Variants in PLPPR1 observed in about 807,000 individuals in gnomAD.
PLPPR1 encodes phospholipid phosphatase related 1.
In PLPPR1, 10 loss-of-function variants were observed where a neutral mutation model predicts 33.1. The ratio of observed to expected loss-of-function variants is 0.30; its 90% CI spans 0.19 to 0.51. The LOEUF is 0.51. PLPPR1 is among the 20% of genes least tolerant of loss of function. The pLI is 0.97. For synonymous variants in PLPPR1, 151 were observed against 151.0 expected (o/e 1.00, Z 0.00); for missense variants, 304 against 408.1 (o/e 0.74, Z 2.20).
chr9:101,176,446 C>T (rs1390493469), intron 1 of PLPPR1, among the ~76,000 whole-genome samples: 1 of 152,194 alleles, frequency 6.6e-6, no homozygotes, highest in African/African-American at 2.4e-5. Flanking sequence ...ACGCGTTCCT[C>T]ACTGGGATGG....
intron 1 of PLPPR1, among the ~76,000 whole-genome samples, chr9:101,181,644 A>G (rs1228130302): frequency 1.7e-5 from 2 of 114,624 alleles, no homozygotes; most frequent in African/African-American, 3.2e-5. Flanking sequence ...ATGTGTATGT[A>G]TATACATGTA....
intron 1 of PLPPR1, among the ~76,000 whole-genome samples, chr9:101,119,854 C>G (rs1281487552): frequency 1.3e-5 from 2 of 152,196 alleles, no homozygotes; most frequent in Non-Finnish European, 2.9e-5. Context: ...CTTCCCTCCC[C>G]ACCCAAACCA....
intron 1 of PLPPR1, among the ~76,000 whole-genome samples, chr9:101,125,201 A>C (rs1362947062): frequency 6.6e-6 from 1 of 151,860 alleles, no homozygotes; most frequent in East Asian, 1.9e-4. Context: ...ATCTATCCCT[A>C]TCTGTCCCTG....
chr9:101,169,840 T>G (rs1336045503), intron 1 of PLPPR1, among the ~76,000 whole-genome samples: 19 of 152,072 alleles, frequency 1.2e-4, no homozygotes, highest in Non-Finnish European at 2.5e-4. Flanking sequence ...CATTTTTATG[T>G]CTAGGACTTC....
At chr9:101,102,693 T>C (rs1446809093) in intron 1 of PLPPR1, among the ~76,000 whole-genome samples, 3 of 75,904 alleles carry the variant, frequency 4.0e-5, no homozygotes, top group African/African-American at 6.0e-5. Context: ...ATGGTATTTC[T>C]AGTTCTAGAT....
At chr9:101,188,427 C>G (rs1467108329) in intron 2 of PLPPR1, among the ~76,000 whole-genome samples, 2 of 151,812 alleles carry the variant, frequency 1.3e-5, no homozygotes, top group African/African-American at 4.8e-5. Context: ...TTTTTTCAGA[C>G]AATTACATCA....
At chr9:101,093,186 T>G (rs919353019) in intron 1 of PLPPR1, among the ~76,000 whole-genome samples, 2 of 152,148 alleles carry the variant, frequency 1.3e-5, no homozygotes, top group African/African-American at 4.8e-5. Flanking sequence ...CAATAGCACT[T>G]TCATCTAAAT....
intron 3 of PLPPR1, among the ~76,000 whole-genome samples, chr9:101,285,148 T>A (rs752964983): frequency 1.3e-5 from 2 of 152,178 alleles, no homozygotes; most frequent in Non-Finnish European, 2.9e-5. Context: ...ATAACGGTAA[T>A]TAACCTTTTA....
intron 1 of PLPPR1, among the ~76,000 whole-genome samples, chr9:101,167,011 T>C (rs964119951): frequency 1.4e-5 from 2 of 143,398 alleles, no homozygotes; most frequent in African/African-American, 2.6e-5. Flanking sequence ...AGGGACTTCC[T>C]GGCAGTGATT....
intron 1 of PLPPR1, among the ~76,000 whole-genome samples, chr9:101,063,883 TC>T (rs1419182396): frequency 3.3e-5 from 5 of 152,116 alleles, no homozygotes; most frequent in Admixed American, 3.3e-4. Flanking sequence ...TGTTTGTTTC[TC>T]CCACTAGAGT....
chr9:101,112,805 G>T (rs1831072739), intron 1 of PLPPR1, among the ~76,000 whole-genome samples: 1 of 152,186 alleles, frequency 6.6e-6, no homozygotes, highest in Non-Finnish European at 1.5e-5. Context: ...TCTTCACATT[G>T]TCAAATGCCA....
At chr9:101,195,667 A>G (rs560892636) in intron 2 of PLPPR1, among the ~76,000 whole-genome samples, 34 of 152,218 alleles carry the variant, frequency 2.2e-4, no homozygotes, top group African/African-American at 7.7e-4. Flanking sequence ...ACAACCATAT[A>G]TACTGAAGTA....
At chr9:101,218,575 G>A (rs1826853686) in intron 2 of PLPPR1, among the ~76,000 whole-genome samples, 1 of 151,930 alleles carries the variant, frequency 6.6e-6, no homozygotes, top group Admixed American at 6.6e-5. Context: ...AAATATATAG[G>A]GCATAGTGCA....
At chr9:101,231,156 A>G (rs1367757) in intron 2 of PLPPR1, among the ~76,000 whole-genome samples, 199 of 152,114 alleles carry the variant, frequency 1.3e-3, no homozygotes, top group African/African-American at 4.6e-3. Context: ...CTCCAAGGCC[A>G]GAGTTTTTCT....
chr9:101,137,455 T>C (rs77381028), intron 1 of PLPPR1, among the ~76,000 whole-genome samples: 3,260 of 152,256 alleles, frequency 0.021, 57 homozygotes, highest in Admixed American at 0.038. Flanking sequence ...TAAAGTATAG[T>C]TAGGGACACT....
rs956983211 is a variant in PLPPR1, at chr9:101,313,121, G to C, written c.813+147G>C. Reference sequence around the variant, plus strand: ...TTCTCCAAGTATTATACATGCTTTTGCTACAAAAATGATTTCAAAACACTC... The same window carrying C: ...TTCTCCAAGTATTATACATGCTTTTCCTACAAAAATGATTTCAAAACACTC... On this transcript the variant is annotated intron_variant, in intron 6 of 7. Transcript: ENST00000374874. The C allele has an allele frequency of 1.3e-4, 97 of 735,580 alleles. No individual in the cohort carries two copies. The East Asian group carries it at 2.4e-3, about 18-fold the overall frequency. The allele number at this position is 735,580 out of a possible 1,614,324, so 45.6% of individuals were successfully genotyped here.
intron 2 of PLPPR1, among the ~76,000 whole-genome samples, chr9:101,210,823 A>G (rs1473978833): frequency 6.6e-6 from 1 of 152,182 alleles, no homozygotes; most frequent in Non-Finnish European, 1.5e-5. Flanking sequence ...GCTGGAGTGC[A>G]GTGGCGCGAT....
At chr9:101,053,328 T>A (rs1830246253) in intron 1 of PLPPR1, among the ~76,000 whole-genome samples, 1 of 152,198 alleles carries the variant, frequency 6.6e-6, no homozygotes, top group Non-Finnish European at 1.5e-5. Flanking sequence ...GTCTCTCATA[T>A]TGATTTCATA....
At chr9:101,140,040 A>G (rs764127673) in intron 1 of PLPPR1, among the ~76,000 whole-genome samples, 8 of 152,178 alleles carry the variant, frequency 5.3e-5, no homozygotes, top group Non-Finnish European at 1.0e-4. Context: ...CGATGGAGTT[A>G]ATAAGACAAA....
Sources: gnomAD v4.1 joint callset for allele counts (sites outside exome capture counted in the v4.1 genomes callset) on GRCh38, gnomAD v4.1.1 for gene constraint, MANE v1.5 for transcripts, NCBI Gene and HGNC (gene_info 2026-07-23, HGNC 2026-07-21) for gene names.